Variants in ALDH1L1 observed in about 807,000 individuals in gnomAD.
ALDH1L1 encodes the protein aldehyde dehydrogenase 1 family member L1, also known as cytosolic 10-formyltetrahydrofolate dehydrogenase.
Under a neutral mutation model 101.1 loss-of-function variants are expected in ALDH1L1, and 68 were observed. The observed-to-expected ratio is 0.67, with a 90% confidence interval of 0.55 to 0.82. The LOEUF is 0.82. Among genes scored for constraint, ALDH1L1 ranks in the 40% least tolerant of loss-of-function variants. The probability of loss-of-function intolerance (pLI) is 0.00; values close to 1 mark genes in which losing one functional copy is unlikely to be tolerated. For missense variants in ALDH1L1, 1,087 were observed against 1,172.7 expected (o/e 0.93, Z 1.07); for synonymous variants, 486 against 470.8 (o/e 1.03, Z -0.42).
At chr3:126,107,427 C>A (rs976840414) in intron 20 of ALDH1L1, among the ~76,000 whole-genome samples, 181 bp from the exon 21 acceptor site, 3 of 152,210 alleles carry the variant, frequency 2.0e-5, no homozygotes, top group Non-Finnish European at 4.4e-5. Context: ...CTGGCTTGTT[C>A]TTTGATGTGG....
chr3:126,194,550 C>T (rs2081571314), intron 1 of ALDH1L1, among the ~76,000 whole-genome samples: 1 of 152,160 alleles, frequency 6.6e-6, no homozygotes, highest in South Asian at 2.1e-4. Flanking sequence ...AAGAGCAGAT[C>T]AGTGCTTCAA....
In ALDH1L1 at chr3:126,115,487, C is replaced by CT. The variant is rs35580198; in HGVS notation, c.1983-832dup. Reference sequence around the variant, plus strand: ...CTGCTCAGAGCTCTGCTTTGCTCTTCTTTTTTTTTTTTTTTTAATAAATTT... The same window carrying CT: ...CTGCTCAGAGCTCTGCTTTGCTCTTCTTTTTTTTTTTTTTTTTAATAAATTT... On this transcript the variant is annotated intron_variant, in intron 17 of 22. Coordinates refer to ENST00000393434, the MANE Select transcript of ALDH1L1 (RefSeq NM_012190.4). 3.9e-3 allele frequency: 549 copies of CT among 141,910 alleles called. 4 individuals are homozygous for CT. Among genetic ancestry groups the CT allele is most frequent in the South Asian group, 0.014 (62 of 4,578 alleles). The allele number at this position is 141,910 out of a possible 1,614,324, so 8.8% of individuals were successfully genotyped here. A position where few individuals can be genotyped will look rare whatever the true frequency, so the allele number is the denominator to read the frequency against.
intron 2 of ALDH1L1, chr3:126,160,514 A>G: frequency 4.1e-6 from 1 of 245,152 alleles, no homozygotes; most frequent in Non-Finnish European, 7.8e-6. Context: ...CAGAATATGG[A>G]CCCCCAGTTC....
chr3:126,134,576 T>C (rs895360410), intron 12 of ALDH1L1, among the ~76,000 whole-genome samples: 1 of 152,134 alleles, frequency 6.6e-6, no homozygotes, highest in African/African-American at 2.4e-5. Context: ...CAGCCCTCCC[T>C]GCCCCAACCC....
intron 12 of ALDH1L1, among the ~76,000 whole-genome samples, chr3:126,133,060 A>G (rs552320471): frequency 6.6e-6 from 1 of 152,348 alleles, no homozygotes; most frequent in Admixed American, 6.5e-5. Flanking sequence ...CGAAGACAGG[A>G]GCTGCCTCTT....
At chr3:126,117,864 G>T in intron 17 of ALDH1L1, 141 bp downstream of exon 17, 1 of 822,460 alleles carries the variant, frequency 1.2e-6, no homozygotes, top group South Asian at 1.7e-5. Flanking sequence ...CCTCTTCAGC[G>T]TTTGCATAGA....
chr3:126,131,320 G>C, intron 13 of ALDH1L1, 64 bp downstream of exon 13: 4 of 1,484,696 alleles, frequency 2.7e-6, no homozygotes, highest in Non-Finnish European at 3.6e-6. Context: ...GCTGCCCTTG[G>C]AGTTCTCCTA....
chr3:126,164,061 G>C (rs1395583090), intron 1 of ALDH1L1, among the ~76,000 whole-genome samples: 2 of 151,988 alleles, frequency 1.3e-5, no homozygotes, highest in Non-Finnish European at 2.9e-5. Context: ...AGTCTGGGAG[G>C]TCTAGGCTAG....
intron 14 of ALDH1L1, chr3:126,129,019 T>C (rs540906075): frequency 6.9e-6 from 1 of 145,112 alleles, no homozygotes; most frequent in Non-Finnish European, 1.5e-5. Flanking sequence ...GCTCCCACAC[T>C]ACTGACATTT....
chr3:126,191,889 G>A (rs1458090440), intron 1 of ALDH1L1, among the ~76,000 whole-genome samples: 5 of 152,184 alleles, frequency 3.3e-5, no homozygotes, highest in Non-Finnish European at 5.9e-5. Flanking sequence ...TGCCAAATGA[G>A]GGGAGAATTT....
upstream of ALDH1L1, chr3:126,181,026 T>C: frequency 5.6e-6 from 9 of 1,595,052 alleles, no homozygotes; most frequent in African/African-American, 2.7e-5. Flanking sequence ...TTGCAGCCGC[T>C]TGCAGAGGCG....
upstream of ALDH1L1, among the ~76,000 whole-genome samples, chr3:126,183,880 G>A (rs189744985): frequency 6.6e-5 from 10 of 152,330 alleles, no homozygotes; most frequent in East Asian, 1.9e-3. Flanking sequence ...TGATTCTACA[G>A]TGGGATGAGG....
rs190952677 is a variant in ALDH1L1 at position 126,115,731 on chromosome 3, C to A, written c.1983-1075G>T. Among the ~76,000 whole-genome samples, 773 of 151,978 alleles carry A rather than the reference C, an allele frequency of 5.1e-3. 5 individuals carry two copies. The highest frequency in any genetic ancestry group is 7.3e-3 in the Non-Finnish European group (494 of 67,946). On this transcript the variant is annotated intron_variant, in intron 17 of 22. Transcript: ENST00000393434. The stretch of plus-strand genomic sequence containing the variant: ...CTGGGATTACAGGCACGTGCCACCA[C>A]GCCCGGCTAATTTTTGTATTTTCAG...
chr3:126,187,525 C>T (rs1005461301), intron 1 of ALDH1L1, among the ~76,000 whole-genome samples: 7 of 152,088 alleles, frequency 4.6e-5, no homozygotes, highest in East Asian at 1.9e-4. Context: ...AATGGGAGAG[C>T]GGTGGAAGGA....
intron 16 of ALDH1L1, among the ~76,000 whole-genome samples, chr3:126,123,552 C>T (rs1456082037): frequency 6.6e-6 from 1 of 151,516 alleles, no homozygotes; most frequent in East Asian, 1.9e-4. Context: ...GCCACTGCGC[C>T]TGGCCATCAC....
At chr3:126,149,363 C>G (rs1483768251) in intron 8 of ALDH1L1, among the ~76,000 whole-genome samples, 1 of 151,896 alleles carries the variant, frequency 6.6e-6, no homozygotes, top group Non-Finnish European at 1.5e-5. Flanking sequence ...TTGGCTGCAG[C>G]TGTTGTAAGA....
intron 1 of ALDH1L1, among the ~76,000 whole-genome samples, chr3:126,171,153 C>A (rs1045004349): frequency 1.6e-4 from 24 of 152,150 alleles, no homozygotes; most frequent in African/African-American, 5.8e-4. Context: ...AAAAAATTAG[C>A]CAGGCGTGGT....
rs1553756353 is a variant in ALDH1L1 at position 126,131,366 on chromosome 3, T to C, written c.1623+18A>G. The C allele has an allele frequency of 1.9e-6, 3 of 1,582,226 alleles. No individual in the cohort carries two copies. The highest frequency in any genetic ancestry group is 1.3e-5 in the African/African-American group (1 of 74,464). On this transcript the variant is annotated intron_variant, in intron 13 of 22. Transcript: ENST00000393434. ...CCAGTCTGCATGTGCTCACACTGGG[T>C]GGGAGCCTGGGCCCCACCTGGATCT...
At chr3:126,149,962 A>T (rs959917844) in intron 8 of ALDH1L1, among the ~76,000 whole-genome samples, 4 of 152,184 alleles carry the variant, frequency 2.6e-5, no homozygotes, top group Non-Finnish European at 5.9e-5. Flanking sequence ...AAAGCTCCCT[A>T]CAGCATCATA....
Sources: gnomAD v4.1 joint callset for allele counts (sites outside exome capture counted in the v4.1 genomes callset) on GRCh38, gnomAD v4.1.1 for gene constraint, MANE v1.5 for transcripts, NCBI Gene and HGNC (gene_info 2026-07-23, HGNC 2026-07-21) for gene names.